The following DCUN1D5 variants were observed in gnomAD, a reference collection of about 807,000 sequenced individuals.
The protein encoded by DCUN1D5 is defective in cullin neddylation 1 domain containing 5.
DCUN1D5 carries 10 observed loss-of-function variants against 38.3 expected under a neutral mutation model. The observed-to-expected ratio is 0.26, with a 90% CI of 0.16 to 0.44. The LOEUF (loss-of-function observed/expected upper bound fraction) is 0.44. Among genes scored for constraint, DCUN1D5 ranks in the 20% least tolerant of loss-of-function variants. DCUN1D5 has a pLI of 1.00. For missense variants in DCUN1D5, 148 were observed against 275.3 expected, an observed-to-expected ratio of 0.54 and a Z score of 3.27; for synonymous variants, 93 against 90.9, an observed-to-expected ratio of 1.02 and a Z score of -0.13.
In DCUN1D5 at chr11:103,083,516, A is replaced by C. The variant is rs1456724111; in HGVS notation, c.179-190T>G. ...TTTAAAATTTGTGAAGTATTCTTTG[A>C]ACACCAGATTACAATATGAAATTAA... On this transcript the variant is annotated intron_variant, in intron 2 of 7. Transcript: ENST00000260247. This position sits in a 1 kb window ranked among gnomAD's most constrained non-coding sequence, Gnocchi z 4.4. Among the ~76,000 whole-genome samples, 4 of 152,070 alleles carry C rather than the reference A, an allele frequency of 2.6e-5. No homozygotes were observed. Among genetic ancestry groups the C allele is most frequent in the Non-Finnish European group, 5.9e-5 (4 of 67,934 alleles).
At chr11:103,072,885 TACCCTA>T (rs1862315602) in intron 4 of DCUN1D5, among the ~76,000 whole-genome samples, 1 of 152,120 alleles carries the variant, frequency 6.6e-6, no homozygotes. Flanking sequence ...TGTGCACATG[TACCCTA>T]GAACTTGAAG....
rs547475832 is a variant in DCUN1D5 at position 103,078,783 on chromosome 11, A to C, written c.341+3965T>G. On this transcript the variant is annotated intron_variant, in intron 4 of 7. Coordinates refer to ENST00000260247, the MANE Select transcript of DCUN1D5 (RefSeq NM_032299.4). This position sits in a 1 kb window ranked among gnomAD's most constrained non-coding sequence, Gnocchi z 4.6. ...CTGCTCACAATTTCCCTCTTCTGAA[A>C]CATTTTCCTGTATCCTCAACAAACA... is the stretch of plus-strand genomic sequence containing the variant. Among the ~76,000 whole-genome samples the C allele has an allele frequency of 6.6e-6, 1 of 152,340 alleles. No homozygotes were observed. The highest frequency in any genetic ancestry group is 2.1e-4 in the South Asian group (1 of 4,826).
At chr11:103,069,663 C>T (rs1020631378) in intron 4 of DCUN1D5, among the ~76,000 whole-genome samples, 1 of 152,194 alleles carries the variant, frequency 6.6e-6, no homozygotes, top group Non-Finnish European at 1.5e-5. Context: ...ACTCCTATCC[C>T]TTTCAGACAA....
At position 103,078,779 on chromosome 11, in the gene DCUN1D5, T is replaced by A. The variant is rs1378371692; in HGVS notation, c.341+3969A>T. On this transcript the variant is annotated intron_variant, in intron 4 of 7. Coordinates refer to ENST00000260247, the MANE Select transcript of DCUN1D5 (RefSeq NM_032299.4). This position sits in a 1 kb window ranked among gnomAD's most constrained non-coding sequence, Gnocchi z 4.6. ...GGTCCTGCTCACAATTTCCCTCTTC[T>A]GAAACATTTTCCTGTATCCTCAACA... Among the ~76,000 whole-genome samples the A allele has an allele frequency of 6.6e-6, 1 of 152,232 alleles. No individual in the cohort carries two copies. Among genetic ancestry groups the A allele is most frequent in the Non-Finnish European group, 1.5e-5 (1 of 68,040 alleles).
intron 4 of DCUN1D5, among the ~76,000 whole-genome samples, chr11:103,069,397 G>GA (rs1862215972): frequency 6.6e-6 from 1 of 152,136 alleles, no homozygotes; most frequent in Admixed American, 6.5e-5. Flanking sequence ...AAAAACCACT[G>GA]AAAAAACTAT....
Position 103,066,149 on chromosome 11 carries a change from G to C in DCUN1D5, c.555+120C>G, listed in dbSNP as rs529590474. On this transcript the variant is annotated intron_variant, in intron 6 of 7. Coordinates refer to ENST00000260247, the MANE Select transcript of DCUN1D5 (RefSeq NM_032299.4). The surrounding 1 kb of genome is among the most constrained non-coding windows in gnomAD (Gnocchi z 4.7). ...TAGCAACTGATATGTACATATTTTA[G>C]AATTTTTTCTCTAAAGTTTTTTTAA... 544 of 570,344 alleles carry C rather than the reference G, an allele frequency of 9.5e-4. 1 individual carries two copies. Among genetic ancestry groups the C allele is most frequent in the Middle Eastern group, 1.6e-3 (4 of 2,512 alleles). The allele number at this position is 570,344 out of a possible 1,614,324, so 35.3% of individuals were successfully genotyped here.
At chr11:103,084,828 G>GA (rs934414794) in intron 2 of DCUN1D5, among the ~76,000 whole-genome samples, 10 of 147,096 alleles carry the variant, frequency 6.8e-5, no homozygotes, top group African/African-American at 1.0e-4. Context: ...CATCTCTAGG[G>GA]AAAAAAAAAA....
intron 4 of DCUN1D5, among the ~76,000 whole-genome samples, chr11:103,072,727 A>G (rs1269992537): frequency 9.3e-6 from 1 of 107,236 alleles, no homozygotes; most frequent in Non-Finnish European, 1.7e-5. Flanking sequence ...ACTTGGACAC[A>G]GGGTGGGGAA....
Position 103,062,349 on chromosome 11 carries a change from A to C in DCUN1D5, c.*10T>G. On this transcript the variant is annotated 3_prime_UTR_variant, in exon 8 of 8. Transcript: ENST00000260247. The surrounding 1 kb of genome is among the most constrained non-coding windows in gnomAD (Gnocchi z 4.6). ...ATTGAAAGGTTTGCATTTTCTTCAC[A>C]TAGTTCTTGCTATGATGTCTGACGG... The C allele has an allele frequency of 6.2e-7, 1 of 1,613,408 alleles. No individual in the cohort carries two copies. The highest frequency in any genetic ancestry group is 8.5e-7 in the Non-Finnish European group (1 of 1,179,458).
Position 103,054,883 on chromosome 11 carries a change from T to C in DCUN1D5, c.*7476A>G, listed in dbSNP as rs139310022. The C allele has an allele frequency of 7.9e-5, 12 of 152,196 alleles. No individual in the cohort carries two copies. In the East Asian group the frequency reaches 1.4e-3, roughly 17 times the overall value. 9.4% of individuals were successfully genotyped at this position (152,196 alleles called of 1,614,324 possible). On this transcript the variant is annotated 3_prime_UTR_variant, in exon 8 of 8. Transcript: ENST00000260247. ...GCTTTCCTAGCACTAGAAAAAAACA[T>C]AGTAGATGGCAAACCTGTCACATAA... is the stretch of plus-strand genomic sequence containing the variant.
At chr11:103,072,355 T>TAGATCTAGAACTAGATCTAGATCTAGAA (rs1862296770) in intron 4 of DCUN1D5, among the ~76,000 whole-genome samples, 1 of 151,146 alleles carries the variant, frequency 6.6e-6, no homozygotes, top group East Asian at 1.9e-4. Flanking sequence ...TAGATCTAGA[T>TAGATCTAGAACTAGATCTAGATCTAGAA]CTAGATCTAG....
At chr11:103,076,402 G>T (rs530042071) in intron 4 of DCUN1D5, among the ~76,000 whole-genome samples, 2 of 152,206 alleles carry the variant, frequency 1.3e-5, no homozygotes, top group African/African-American at 4.8e-5. Flanking sequence ...AAGAATCCAA[G>T]ATATTATAAT....
chr11:103,053,989 C>T lies in DCUN1D5; in HGVS notation c.*8370G>A, dbSNP rs1234836796. ...ACAAGGAAATGAAAGAACTAGCACA[C>T]AGAAATAGGTACCCTAAAAGGACTA... is the stretch of plus-strand genomic sequence containing the variant. On this transcript the variant is annotated 3_prime_UTR_variant, in exon 8 of 8. Coordinates refer to ENST00000260247, the MANE Select transcript of DCUN1D5 (RefSeq NM_032299.4). This position sits in a 1 kb window ranked among gnomAD's most constrained non-coding sequence, Gnocchi z 4.8. 1.3e-5 allele frequency: 2 copies of T among 152,194 alleles called. No individual in the cohort carries two copies. Among genetic ancestry groups the T allele is most frequent in the East Asian group, 3.9e-4 (2 of 5,184 alleles). 9.4% of individuals were successfully genotyped at this position (152,194 alleles called of 1,614,324 possible).
rs755149843 is a variant in DCUN1D5 at position 103,087,614 on chromosome 11, C to T, written c.178+1613G>A. Among the ~76,000 whole-genome samples the T allele has an allele frequency of 1.3e-5, 2 of 152,152 alleles. No homozygotes were observed. Among genetic ancestry groups the T allele is most frequent in the Non-Finnish European group, 2.9e-5 (2 of 68,028 alleles). The stretch of plus-strand genomic sequence containing the variant: ...GCAGTGAGCCATGATCACAGCACTG[C>T]GCTCCAGCGTGGGCGACACAGTGAG... On this transcript the variant is annotated intron_variant, in intron 2 of 7. Coordinates refer to ENST00000260247, the MANE Select transcript of DCUN1D5 (RefSeq NM_032299.4). The surrounding 1 kb of genome is among the most constrained non-coding windows in gnomAD (Gnocchi z 4.1).
At position 103,065,286 on chromosome 11, in the gene DCUN1D5, G is replaced by A. The variant is rs1169239166; in HGVS notation, c.556-909C>T. Among the ~76,000 whole-genome samples, 4 of 151,958 alleles carry A rather than the reference G, an allele frequency of 2.6e-5. No individual in the cohort carries two copies. Among genetic ancestry groups the A allele is most frequent in the Non-Finnish European group, 5.9e-5 (4 of 67,992 alleles). ...CGTGCCTCAGCCTCCCGAGTAGCTGGGACTACAGGCACAAACCACCACACC... is the reference window on the plus strand; with the variant it reads ...CGTGCCTCAGCCTCCCGAGTAGCTGAGACTACAGGCACAAACCACCACACC... On this transcript the variant is annotated intron_variant, in intron 6 of 7. Transcript: ENST00000260247. This position sits in a 1 kb window ranked among gnomAD's most constrained non-coding sequence, Gnocchi z 4.6.
At position 103,087,173 on chromosome 11, in the gene DCUN1D5, CT is replaced by C. The variant is rs201932440; in HGVS notation, c.178+2053del. Among the ~76,000 whole-genome samples the C allele has an allele frequency of 0.13, 17,537 of 138,628 alleles. 1,970 individuals are homozygous for C. Among genetic ancestry groups the C allele is most frequent in the African/African-American group, 0.32 (11,811 of 37,214 alleles). The allele number at this position is 138,628 out of a possible 152,430, so 90.9% of individuals were successfully genotyped here. ...AAACCCCATTTCTTTTTTTCTTTTT[CT>C]TTTTTTTTTTTTTTGAGGCAGAGTC... On this transcript the variant is annotated intron_variant, in intron 2 of 7. Coordinates refer to ENST00000260247, the MANE Select transcript of DCUN1D5 (RefSeq NM_032299.4). This position sits in a 1 kb window ranked among gnomAD's most constrained non-coding sequence, Gnocchi z 4.1.
Position 103,078,783 on chromosome 11 carries a change from A to G in DCUN1D5, c.341+3965T>C, listed in dbSNP as rs547475832. Among the ~76,000 whole-genome samples, 21 of 152,222 alleles carry G rather than the reference A, an allele frequency of 1.4e-4. No individual in the cohort carries two copies. The highest frequency in any genetic ancestry group is 4.6e-4 in the African/African-American group (19 of 41,452). On this transcript the variant is annotated intron_variant, in intron 4 of 7. Transcript: ENST00000260247. This position sits in a 1 kb window ranked among gnomAD's most constrained non-coding sequence, Gnocchi z 4.6. ...CTGCTCACAATTTCCCTCTTCTGAAACATTTTCCTGTATCCTCAACAAACA... is the reference window on the plus strand; with the variant it reads ...CTGCTCACAATTTCCCTCTTCTGAAGCATTTTCCTGTATCCTCAACAAACA...
chr11:103,086,629 G>A lies in DCUN1D5; in HGVS notation c.178+2598C>T, dbSNP rs1388812545. Among the ~76,000 whole-genome samples, 1 of 152,004 alleles carries A rather than the reference G, an allele frequency of 6.6e-6. No homozygotes were observed. The highest frequency in any genetic ancestry group is 1.5e-5 in the Non-Finnish European group (1 of 68,006). ...CTGTACTTATCTTGCCTACATACCT[G>A]TTTACTGACTGTCTTCCTCACCAGA... On this transcript the variant is annotated intron_variant, in intron 2 of 7. Transcript: ENST00000260247. This position sits in a 1 kb window ranked among gnomAD's most constrained non-coding sequence, Gnocchi z 4.1.
rs942412107 is a variant in DCUN1D5 at position 103,092,019 on chromosome 11, C to T, written c.-147G>A. Reference sequence around the variant, plus strand: ...CAGCCCGCACCGGCGCGGCCCAGCCCGGCCGCCGCCCGCTCCCAGGTATCC... The same window carrying T: ...CAGCCCGCACCGGCGCGGCCCAGCCTGGCCGCCGCCCGCTCCCAGGTATCC... On this transcript the variant is annotated 5_prime_UTR_variant, in exon 1 of 8. Coordinates refer to ENST00000260247, the MANE Select transcript of DCUN1D5 (RefSeq NM_032299.4). 2 of 682,240 alleles carry T rather than the reference C, an allele frequency of 2.9e-6. No homozygotes were observed. The highest frequency in any genetic ancestry group is 4.8e-6 in the Non-Finnish European group (2 of 413,112). The allele number at this position is 682,240 out of a possible 1,614,324, so 42.3% of individuals were successfully genotyped here.
Sources: gnomAD v4.1 joint callset for allele counts (sites outside exome capture counted in the v4.1 genomes callset) on GRCh38, gnomAD v4.1.1 for gene constraint, Gnocchi (gnomAD v3.1) non-coding constraint, MANE v1.5 for transcripts, NCBI Gene and HGNC (gene_info 2026-07-23, HGNC 2026-07-21) for gene names.